The following CA10 variants were observed in gnomAD, a reference collection of about 807,000 sequenced individuals.
The protein encoded by CA10 is carbonic anhydrase 10 (inactive).
In CA10, 14 loss-of-function variants were observed where a neutral mutation model predicts 44.2. The observed-to-expected ratio is 0.32, with a 90% CI of 0.21 to 0.50. The LOEUF (loss-of-function observed/expected upper bound fraction) is 0.50, where lower values mean the gene tolerates loss of function less well. CA10 is among the 20% of genes least tolerant of loss of function. The pLI is 0.99. For synonymous variants in CA10, 159 were observed against 141.6 expected (o/e 1.12, Z -0.87); for missense variants, 350 against 409.7 (o/e 0.85, Z 1.26).
chr17:51,803,943 G>A (rs1472989885), intron 3 of CA10, among the ~76,000 whole-genome samples: 2 of 152,160 alleles, frequency 1.3e-5, no homozygotes, highest in Non-Finnish European at 2.9e-5. Context: ...AGGCCCAGGA[G>A]CTGAGCTATT....
intron 3 of CA10, among the ~76,000 whole-genome samples, chr17:51,795,298 T>A (rs903861942): frequency 1.3e-5 from 2 of 152,160 alleles, no homozygotes; most frequent in Non-Finnish European, 2.9e-5. Flanking sequence ...AGGACCAACA[T>A]TCGAAATGAT....
intron 4 of CA10, among the ~76,000 whole-genome samples, chr17:51,711,152 C>T (rs1215216156): frequency 6.6e-6 from 1 of 152,142 alleles, no homozygotes; most frequent in East Asian, 1.9e-4. Flanking sequence ...ACAAGCTCAA[C>T]ATCAACCTCA....
intron 2 of CA10, among the ~76,000 whole-genome samples, chr17:51,988,151 T>C (rs1984910838): frequency 1.3e-5 from 2 of 152,004 alleles, no homozygotes; most frequent in Admixed American, 6.6e-5. Flanking sequence ...GTATTTGAAA[T>C]TGAACTTGGA....
chr17:51,706,467 C>G (rs1915765766), intron 4 of CA10, among the ~76,000 whole-genome samples: 1 of 152,218 alleles, frequency 6.6e-6, no homozygotes, highest in East Asian at 1.9e-4. Context: ...AGTTGCTTCT[C>G]TCTCCTTTTG....
chr17:51,834,086 T>C (rs1238675292), intron 3 of CA10, among the ~76,000 whole-genome samples: 1 of 152,146 alleles, frequency 6.6e-6, no homozygotes, highest in Non-Finnish European at 1.5e-5. Context: ...ATTAAAGCAC[T>C]TCAGAGAAGA....
Position 51,680,699 on chromosome 17 carries a change from T to C in CA10, c.466-26963A>G, listed in dbSNP as rs571136777. ...ACAGTGGGATGCAGAAGACTATAGTTCTGGGCAAGGTCACATGTCCTCCCC... is the reference window on the plus strand; with the variant it reads ...ACAGTGGGATGCAGAAGACTATAGTCCTGGGCAAGGTCACATGTCCTCCCC... On this transcript the variant is annotated intron_variant, in intron 4 of 8. Transcript: ENST00000451037. 4.6e-5 allele frequency among the ~76,000 whole-genome samples: 7 copies of C among 152,250 alleles called. No individual in the cohort carries two copies. In the South Asian group the frequency reaches 1.5e-3, roughly 32 times the overall value.
intron 2 of CA10, among the ~76,000 whole-genome samples, chr17:51,967,765 T>C (rs961383458): frequency 6.6e-6 from 1 of 151,710 alleles, no homozygotes; most frequent in African/African-American, 2.4e-5. Flanking sequence ...ATTTACATTC[T>C]GAACATCAGC....
At chr17:51,736,522 G>T (rs868673946) in intron 4 of CA10, among the ~76,000 whole-genome samples, 1 of 152,130 alleles carries the variant, frequency 6.6e-6, no homozygotes, top group Non-Finnish European at 1.5e-5. Flanking sequence ...CTTTTTCCTG[G>T]CTGGGAGTGT....
intron 3 of CA10, among the ~76,000 whole-genome samples, chr17:51,854,211 G>A (rs1389357303): frequency 1.3e-5 from 2 of 152,124 alleles, no homozygotes; most frequent in Non-Finnish European, 2.9e-5. Flanking sequence ...CCAATGAGTG[G>A]TCCCTGGTGA....
intron 1 of CA10, among the ~76,000 whole-genome samples, chr17:52,116,187 A>T (rs531569893): frequency 6.6e-6 from 1 of 152,084 alleles, no homozygotes; most frequent in Non-Finnish European, 1.5e-5. Context: ...CTGCACTTAA[A>T]CTATTATTAT....
chr17:51,905,259 G>C (rs999648426), intron 3 of CA10, among the ~76,000 whole-genome samples: 3 of 152,142 alleles, frequency 2.0e-5, no homozygotes, highest in Admixed American at 2.0e-4. Flanking sequence ...TTGGAGATAG[G>C]AGTCTTTGCG....
At chr17:51,962,428 C>T (rs1382119071) in intron 2 of CA10, among the ~76,000 whole-genome samples, 12 of 152,228 alleles carry the variant, frequency 7.9e-5, no homozygotes, top group Admixed American at 7.8e-4. Context: ...GGTCCCCAAA[C>T]CCCTCAGGAC....
At chr17:51,890,184 G>A (rs577442382) in intron 3 of CA10, among the ~76,000 whole-genome samples, 13 of 152,206 alleles carry the variant, frequency 8.5e-5, no homozygotes, top group East Asian at 1.9e-4. Context: ...TTGTTGTAAC[G>A]CATTTTTACT....
At chr17:51,650,353 T>G (rs1567789112) in intron 5 of CA10, among the ~76,000 whole-genome samples, 1 of 152,232 alleles carries the variant, frequency 6.6e-6, no homozygotes, top group African/African-American at 2.4e-5. Flanking sequence ...ATTTTAAATC[T>G]GATTTATCTG....
At chr17:51,753,107 G>A (rs948664975) in intron 3 of CA10, among the ~76,000 whole-genome samples, 18 of 152,180 alleles carry the variant, frequency 1.2e-4, no homozygotes, top group African/African-American at 4.3e-4. Context: ...AGGAGGCTTC[G>A]AGAAACCTGA....
chr17:51,679,982 C>T (rs897425562), intron 4 of CA10, among the ~76,000 whole-genome samples: 9 of 152,172 alleles, frequency 5.9e-5, no homozygotes, highest in Non-Finnish European at 1.2e-4. Flanking sequence ...ACAGTCACCC[C>T]TATTTGTTTG....
chr17:52,140,855 C>G (rs903313732), intron 1 of CA10, among the ~76,000 whole-genome samples: 5 of 152,108 alleles, frequency 3.3e-5, no homozygotes, highest in Non-Finnish European at 7.3e-5. Flanking sequence ...TCTCTCAGAG[C>G]CTGGTAAAGC....
intron 3 of CA10, among the ~76,000 whole-genome samples, chr17:51,759,610 G>A (rs1054823685): frequency 1.3e-5 from 2 of 151,844 alleles, no homozygotes; most frequent in South Asian, 2.1e-4. Context: ...GGATGAAAAT[G>A]GATAAGGTTT....
intron 4 of CA10, among the ~76,000 whole-genome samples, chr17:51,735,302 A>G (rs1175461593): frequency 6.6e-6 from 1 of 152,194 alleles, no homozygotes; most frequent in Non-Finnish European, 1.5e-5. Flanking sequence ...ACAGAAAATC[A>G]AATACTGCCT....
Sources: allele counts gnomAD v4.1 joint callset (sites outside exome capture counted in the v4.1 genomes callset), GRCh38; gene constraint gnomAD v4.1.1; transcripts MANE v1.5; gene names NCBI Gene and HGNC (gene_info 2026-07-23, HGNC 2026-07-21).